Variants in NTM observed in about 807,000 individuals in gnomAD.
NTM encodes the protein IgLON family member 2.
A neutral mutation model predicts 42.1 loss-of-function variants in NTM; 13 were observed. The ratio of observed to expected loss-of-function variants is 0.31; its 90% CI spans 0.20 to 0.49. The LOEUF (loss-of-function observed/expected upper bound fraction) is 0.49, where lower values mean the gene tolerates loss of function less well. NTM is among the 20% of genes least tolerant of loss of function. NTM has a pLI of 0.99. For missense variants in NTM, 373 were observed against 452.8 expected, an observed-to-expected ratio of 0.82 and a Z score of 1.60; for synonymous variants, 187 against 179.2, an observed-to-expected ratio of 1.04 and a Z score of -0.35.
chr11:131,941,872 A>G (rs1295575136), intron 2 of NTM, among the ~76,000 whole-genome samples: 1 of 136,336 alleles, frequency 7.3e-6, no homozygotes, highest in Non-Finnish European at 1.6e-5. Flanking sequence ...GTGTAGATCC[A>G]TTCTAATGGG....
chr11:131,889,221 T>A (rs2050864493), intron 1 of NTM, among the ~76,000 whole-genome samples: 1 of 152,180 alleles, frequency 6.6e-6, no homozygotes, highest in Non-Finnish European at 1.5e-5. Context: ...AGTTTCCCCA[T>A]AAACACAGGT....
intron 1 of NTM, among the ~76,000 whole-genome samples, chr11:131,767,720 GA>G (rs1237240587): frequency 6.6e-6 from 1 of 152,178 alleles, no homozygotes; most frequent in Non-Finnish European, 1.5e-5. Flanking sequence ...ACAAATTTGG[GA>G]AACAAATTTT....
chr11:131,983,935 TA>T (rs758811124), intron 2 of NTM, among the ~76,000 whole-genome samples: 1 of 152,202 alleles, frequency 6.6e-6, no homozygotes, highest in Non-Finnish European at 1.5e-5. Context: ...GGGAGATTGT[TA>T]AATGTCATAT....
At chr11:131,817,522 C>T (rs1027415953) in intron 1 of NTM, among the ~76,000 whole-genome samples, 5 of 152,206 alleles carry the variant, frequency 3.3e-5, no homozygotes, top group Non-Finnish European at 4.4e-5. Flanking sequence ...AGGGGCTCCT[C>T]TCCCAGCAGA....
intron 4 of NTM, among the ~76,000 whole-genome samples, chr11:132,275,835 G>T (rs1039190896): frequency 2.0e-5 from 3 of 150,156 alleles, no homozygotes; most frequent in Non-Finnish European, 4.4e-5. Flanking sequence ...TCTTTGTGGT[G>T]AGAACATTCA....
At chr11:131,675,072 C>T (rs752430593) in intron 1 of NTM, among the ~76,000 whole-genome samples, 1 of 152,212 alleles carries the variant, frequency 6.6e-6, no homozygotes, top group Non-Finnish European at 1.5e-5. Flanking sequence ...GCCTAGCACC[C>T]ATCTTCCTGA....
chr11:131,588,388 C>T (rs2059068437), intron 1 of NTM, among the ~76,000 whole-genome samples: 1 of 152,192 alleles, frequency 6.6e-6, no homozygotes, highest in Non-Finnish European at 1.5e-5. Flanking sequence ...CCAAGATGGC[C>T]TGAAACAAAA....
chr11:132,232,473 C>A (rs2087812519), intron 4 of NTM, among the ~76,000 whole-genome samples: 1 of 152,094 alleles, frequency 6.6e-6, no homozygotes, highest in South Asian at 2.1e-4. Flanking sequence ...AAGCTTTTAA[C>A]CTGATGTCCC....
chr11:131,450,819 T>A (rs1950422608), intron 1 of NTM, among the ~76,000 whole-genome samples: 1 of 152,248 alleles, frequency 6.6e-6, no homozygotes, highest in Non-Finnish European at 1.5e-5. Context: ...AATCTGTGAA[T>A]GTAGAGTCTA....
chr11:132,151,929 T>C (rs563065341), intron 3 of NTM, among the ~76,000 whole-genome samples: 1 of 152,328 alleles, frequency 6.6e-6, no homozygotes, highest in East Asian at 1.9e-4. Context: ...AATTTACCTT[T>C]GATTGTCTCC....
Position 132,135,257 on chromosome 11 carries a change from G to A in NTM, c.168-11025G>A, listed in dbSNP as rs1384508063. Among the ~76,000 whole-genome samples the A allele has an allele frequency of 2.6e-5, 4 of 152,330 alleles. No individual in the cohort carries two copies. In the South Asian group the frequency reaches 6.2e-4, roughly 24 times the overall value. ...TCTCTCCCAGGGGCAGGGCTCACCT[G>A]TGGTTGCCTGCTCCCAGTGCCTGAC... On this transcript the variant is annotated intron_variant, in intron 2 of 8. Coordinates refer to ENST00000683400, the MANE Select transcript of NTM (RefSeq NM_001352005.2).
At chr11:132,096,143 C>T (rs1407488091) in intron 2 of NTM, among the ~76,000 whole-genome samples, 1 of 152,190 alleles carries the variant, frequency 6.6e-6, no homozygotes, top group East Asian at 1.9e-4. Flanking sequence ...CATTGACTTT[C>T]TCTCCCCATA....
intron 2 of NTM, among the ~76,000 whole-genome samples, chr11:131,980,378 C>G (rs1350958565): frequency 1.3e-5 from 2 of 152,102 alleles, no homozygotes; most frequent in African/African-American, 4.8e-5. Context: ...ATTGGTCCTG[C>G]TAGATAAAAC....
At chr11:131,539,893 A>G (rs937137770) in intron 1 of NTM, among the ~76,000 whole-genome samples, 1 of 152,144 alleles carries the variant, frequency 6.6e-6, no homozygotes, top group Non-Finnish European at 1.5e-5. Context: ...CTCCATGGGA[A>G]AAACTCATCT....
intron 4 of NTM, among the ~76,000 whole-genome samples, chr11:132,301,917 G>A (rs1466194084): frequency 6.6e-6 from 1 of 152,190 alleles, no homozygotes; most frequent in Non-Finnish European, 1.5e-5. Flanking sequence ...AGCTACAGCT[G>A]TACTCCTGAC....
At chr11:132,091,653 A>G (rs556074117) in intron 2 of NTM, among the ~76,000 whole-genome samples, 44 of 151,468 alleles carry the variant, frequency 2.9e-4, no homozygotes, top group African/African-American at 1.0e-3. Flanking sequence ...CTATTTTTTA[A>G]ATTTGCTTGT....
At chr11:131,446,656 T>A (rs772357177) in intron 1 of NTM, among the ~76,000 whole-genome samples, 2 of 152,210 alleles carry the variant, frequency 1.3e-5, no homozygotes, top group African/African-American at 4.8e-5. Context: ...CCCACAGCAC[T>A]TGGATCCCAT....
At chr11:131,494,560 A>G (rs2136315947) in intron 1 of NTM, among the ~76,000 whole-genome samples, 1 of 152,362 alleles carries the variant, frequency 6.6e-6, no homozygotes, top group East Asian at 1.9e-4. Flanking sequence ...TTTCAGAGCT[A>G]TAACTGGGAC....
intron 1 of NTM, among the ~76,000 whole-genome samples, chr11:131,427,791 T>C (rs1397606965): frequency 6.6e-6 from 1 of 152,212 alleles, no homozygotes; most frequent in African/African-American, 2.4e-5. Context: ...CTTTGAAGGG[T>C]TGGCATGATG....
Sources: allele counts gnomAD v4.1 joint callset (sites outside exome capture counted in the v4.1 genomes callset), GRCh38; gene constraint gnomAD v4.1.1; transcripts MANE v1.5; gene names NCBI Gene and HGNC (gene_info 2026-07-23, HGNC 2026-07-21).